Variants in PTPRM observed in about 807,000 individuals in gnomAD.
PTPRM encodes the protein receptor-type tyrosine-protein phosphatase mu.
Under a neutral mutation model 186.7 loss-of-function variants are expected in PTPRM, and 47 were observed. The ratio of observed to expected loss-of-function variants is 0.25; its 90% CI spans 0.20 to 0.32. The LOEUF is 0.32. Ranked by LOEUF, PTPRM falls within the 10% of genes least tolerant of loss-of-function variation. The probability of loss-of-function intolerance (pLI) is 1.00; values close to 1 mark genes in which losing one functional copy is unlikely to be tolerated. For missense variants in PTPRM, 1,494 were observed against 1,865.0 expected (o/e 0.80, Z 3.66); for synonymous variants, 668 against 674.9 (o/e 0.99, Z 0.16).
chr18:7,982,824 C>T (rs532503571), intron 7 of PTPRM, among the ~76,000 whole-genome samples: 11 of 151,980 alleles, frequency 7.2e-5, no homozygotes, highest in African/African-American at 1.7e-4. Context: ...ATATGTGGTT[C>T]GTTGTTGATG....
chr18:7,696,956 T>A (rs1413468079), intron 1 of PTPRM, among the ~76,000 whole-genome samples: 1 of 152,168 alleles, frequency 6.6e-6, no homozygotes, highest in Non-Finnish European at 1.5e-5. Context: ...TTGCAGATGA[T>A]CCATAGAAAC....
At chr18:8,042,085 T>C (rs539002613) in intron 7 of PTPRM, among the ~76,000 whole-genome samples, 57 of 152,356 alleles carry the variant, frequency 3.7e-4, no homozygotes, top group Non-Finnish European at 6.6e-4. Flanking sequence ...GGCTGTAGTC[T>C]TGTTTTGTAT....
chr18:7,732,457 A>G (rs931863763), intron 1 of PTPRM, among the ~76,000 whole-genome samples: 14 of 152,148 alleles, frequency 9.2e-5, no homozygotes, highest in African/African-American at 3.4e-4. Context: ...GGATTGTGTT[A>G]CTTTATTTGA....
At chr18:7,964,911 ATACT>A (rs1224377471) in intron 7 of PTPRM, among the ~76,000 whole-genome samples, 1 of 152,136 alleles carries the variant, frequency 6.6e-6, no homozygotes, top group Non-Finnish European at 1.5e-5. Flanking sequence ...ATAACTGCAA[ATACT>A]TCATTTACAT....
chr18:8,160,152 G>C (rs978374966), intron 14 of PTPRM, among the ~76,000 whole-genome samples: 3 of 151,892 alleles, frequency 2.0e-5, no homozygotes, highest in African/African-American at 7.3e-5. Flanking sequence ...TTTATAAATC[G>C]TGTATTCCAT....
At chr18:8,209,988 T>TGAAAA (rs2093980646) in intron 14 of PTPRM, among the ~76,000 whole-genome samples, 1 of 39,372 alleles carries the variant, frequency 2.5e-5, no homozygotes, top group Non-Finnish European at 5.5e-5. Context: ...TGAAGTAAAA[T>TGAAAA]TAAAAAAAAA....
chr18:8,117,591 T>C (rs2092003922), intron 13 of PTPRM, among the ~76,000 whole-genome samples: 1 of 152,182 alleles, frequency 6.6e-6, no homozygotes, highest in South Asian at 2.1e-4. Flanking sequence ...TTCATAAAAG[T>C]TAGACAGGAA....
chr18:7,811,325 G>C (rs937911523), intron 2 of PTPRM, among the ~76,000 whole-genome samples: 1 of 152,112 alleles, frequency 6.6e-6, no homozygotes, highest in African/African-American at 2.4e-5. Context: ...AAGGGGCTTT[G>C]CATAGGCTTT....
At chr18:7,945,778 T>C (rs1429394412) in intron 5 of PTPRM, among the ~76,000 whole-genome samples, 1 of 152,204 alleles carries the variant, frequency 6.6e-6, no homozygotes, top group Non-Finnish European at 1.5e-5. Flanking sequence ...TTATATGATA[T>C]AGTGTGTGCC....
intron 14 of PTPRM, among the ~76,000 whole-genome samples, chr18:8,196,224 T>G (rs921910818): frequency 2.6e-5 from 4 of 152,216 alleles, no homozygotes; most frequent in African/African-American, 9.6e-5. Context: ...GCCTGTCACC[T>G]TAATCCCTTT....
intron 20 of PTPRM, among the ~76,000 whole-genome samples, chr18:8,301,413 T>C (rs1279262752): frequency 6.6e-6 from 1 of 152,154 alleles, no homozygotes; most frequent in Non-Finnish European, 1.5e-5. Flanking sequence ...TATAATTAAC[T>C]CTAAGCTTAA....
rs913371746 is a variant in PTPRM, at chr18:7,668,422, G to GT, written c.73+100535dup. ...TCTCAGCTGCAACGGTATTTAACAC[G>GT]TTTTACACATTTTTGTTGGATATTC... On this transcript the variant is annotated intron_variant, in intron 1 of 32. Coordinates refer to ENST00000580170, the MANE Select transcript of PTPRM (RefSeq NM_001105244.2). This position sits in a 1 kb window ranked among gnomAD's most constrained non-coding sequence, Gnocchi z 4.7. Among the ~76,000 whole-genome samples, 5 of 152,208 alleles carry GT rather than the reference G, an allele frequency of 3.3e-5. No homozygotes were observed. The highest frequency in any genetic ancestry group is 1.2e-4 in the African/African-American group (5 of 41,444).
At chr18:7,866,151 A>AT (rs1335290318) in intron 2 of PTPRM, among the ~76,000 whole-genome samples, 21 of 151,564 alleles carry the variant, frequency 1.4e-4, no homozygotes, top group Non-Finnish European at 2.8e-4. Context: ...GGATTCATTG[A>AT]TTTTTTTGAA....
chr18:7,582,375 T>G (rs1328191650), intron 1 of PTPRM, among the ~76,000 whole-genome samples: 2 of 152,216 alleles, frequency 1.3e-5, no homozygotes, highest in Admixed American at 6.5e-5. Context: ...CTCGTACATG[T>G]GATCTCTCAT....
At chr18:7,966,597 G>A (rs1032505167) in intron 7 of PTPRM, among the ~76,000 whole-genome samples, 26 of 139,518 alleles carry the variant, frequency 1.9e-4, no homozygotes, top group Admixed American at 2.9e-4. Context: ...CAGTGGGTGC[G>A]CGCACCGTGC....
At chr18:7,926,725 G>C (rs778273473) in intron 5 of PTPRM, 42 bp downstream of exon 5, 1 of 1,471,858 alleles carries the variant, frequency 6.8e-7, no homozygotes, top group Non-Finnish European at 9.3e-7. Context: ...AGTCCAGCGG[G>C]AAGAATACAC....
chr18:7,936,714 T>A (rs1271874285), intron 5 of PTPRM, among the ~76,000 whole-genome samples: 6 of 152,156 alleles, frequency 3.9e-5, no homozygotes, highest in Non-Finnish European at 8.8e-5. Flanking sequence ...GCCTGGGAGC[T>A]GTCAGTCCTG....
intron 14 of PTPRM, among the ~76,000 whole-genome samples, chr18:8,182,573 A>G (rs749184356): frequency 6.6e-6 from 1 of 152,226 alleles, no homozygotes; most frequent in South Asian, 2.1e-4. Context: ...TCAGATATAT[A>G]GATGTCTAGC....
At chr18:8,100,915 G>A (rs1020326709) in intron 11 of PTPRM, among the ~76,000 whole-genome samples, 5 of 152,084 alleles carry the variant, frequency 3.3e-5, no homozygotes, top group Admixed American at 3.3e-4. Flanking sequence ...CTGATATTCT[G>A]TGGTTATCAC....
Sources: allele counts gnomAD v4.1 joint callset (sites outside exome capture counted in the v4.1 genomes callset), GRCh38; gene constraint gnomAD v4.1.1; non-coding constraint Gnocchi (gnomAD v3.1); transcripts MANE v1.5; gene names NCBI Gene and HGNC (gene_info 2026-07-23, HGNC 2026-07-21).